PRKCD: variants seen among roughly 807,000 people sequenced by gnomAD.
PRKCD encodes protein kinase C delta type.
In PRKCD, 20 loss-of-function variants were observed where a neutral mutation model predicts 82.2. The ratio of observed to expected loss-of-function variants is 0.24; its 90% CI spans 0.17 to 0.35. The LOEUF (loss-of-function observed/expected upper bound fraction) is 0.35, where lower values mean the gene tolerates loss of function less well. PRKCD is among the 10% of genes least tolerant of loss of function. PRKCD has a pLI of 1.00. For missense variants in PRKCD, 607 were observed against 899.0 expected, an observed-to-expected ratio of 0.68 and a Z score of 4.15; for synonymous variants, 317 against 337.0, an observed-to-expected ratio of 0.94 and a Z score of 0.65.
chr3:53,169,412 G>A lies in PRKCD; in HGVS notation c.-20+4197G>A, dbSNP rs1222323204. Among the ~76,000 whole-genome samples, 4 of 152,172 alleles carry A rather than the reference G, an allele frequency of 2.6e-5. No individual in the cohort carries two copies. Among genetic ancestry groups the A allele is most frequent in the African/African-American group, 9.7e-5 (4 of 41,438 alleles). On this transcript the variant is annotated intron_variant, in intron 2 of 18. Coordinates refer to ENST00000330452, the MANE Select transcript of PRKCD (RefSeq NM_006254.4). This position sits in a 1 kb window ranked among gnomAD's most constrained non-coding sequence, Gnocchi z 4.7. Reference sequence around the variant, plus strand: ...GCCCACGAACAGGACTGGGATGGCTGTCCCTCAAAGGTCTCTGCCAAGGCA... The same window carrying A: ...GCCCACGAACAGGACTGGGATGGCTATCCCTCAAAGGTCTCTGCCAAGGCA...
rs1454390725 is a variant in PRKCD at position 53,183,112 on chromosome 3, C to G, written c.572-9C>G. 1.2e-6 allele frequency: 2 copies of G among 1,614,012 alleles called. No individual in the cohort carries two copies. The highest frequency in any genetic ancestry group is 1.7e-5 in the Admixed American group (1 of 60,012). ...TCCCTTCCCCCTCCTGGGCCTGTGC[C>G]TCTTCAAGAATGTAACGCTGCCATC... is the stretch of plus-strand genomic sequence containing the variant. On this transcript the variant is annotated splice_polypyrimidine_tract_variant and intron_variant, in intron 7 of 18. Coordinates refer to ENST00000330452, the MANE Select transcript of PRKCD (RefSeq NM_006254.4).
intron 4 of PRKCD, among the ~76,000 whole-genome samples, chr3:53,180,214 GGT>G (rs35715916): frequency 0.12 from 18,956 of 152,222 alleles, 1,718 homozygotes; most frequent in Non-Finnish European, 0.19. Context: ...TGCATGAAAG[GGT>G]GTGTCCCTGC....
chr3:53,172,027 G>A (rs1401984828), intron 2 of PRKCD, among the ~76,000 whole-genome samples: 1 of 152,010 alleles, frequency 6.6e-6, no homozygotes, highest in Non-Finnish European at 1.5e-5. Flanking sequence ...CCCAGGAGGA[G>A]CGCTGGCTGG....
intron 1 of PRKCD, among the ~76,000 whole-genome samples, chr3:53,161,752 C>T (rs1702667302): frequency 6.6e-6 from 1 of 151,872 alleles, no homozygotes; most frequent in Admixed American, 6.6e-5. Context: ...CTGTCGCCAC[C>T]CACTCTGTGT....
chr3:53,163,312 G>T (rs1306052866), intron 1 of PRKCD, among the ~76,000 whole-genome samples: 1 of 151,842 alleles, frequency 6.6e-6, no homozygotes, highest in Non-Finnish European at 1.5e-5. Context: ...GGTGTTAGCG[G>T]CAGGAGGGGG....
rs1553668849 is a variant in PRKCD, at chr3:53,185,700, G to A, written c.985G>A (p.Asp329Asn). 6.2e-7 allele frequency: 1 copy of A among 1,612,054 alleles called. No homozygotes were observed. The highest frequency in any genetic ancestry group is 8.5e-7 in the Non-Finnish European group (1 of 1,179,836). The part of the protein sequence containing the change: ...KTGVAGEDMQ[D>N]NSGTYGKIWE... Reference sequence around the variant, plus strand: ...CGGAGTTGCTGGGGAGGACATGCAAGGTGAAGCTGGGTCCATTGCCCCATT... The same window carrying A: ...CGGAGTTGCTGGGGAGGACATGCAAAGTGAAGCTGGGTCCATTGCCCCATT... Residue 329 changes from aspartate (D) to asparagine (N), a missense_variant and splice_region_variant, in exon 11 of 19, where the codon GAC (aspartate) becomes AAC (asparagine). By Grantham distance (23) the Asp-to-Asn change is conservative (BLOSUM62 1). Transcript: ENST00000330452.
At chr3:53,184,773 C>G (rs1365767859) in intron 9 of PRKCD, 101 bp from the exon 10 acceptor site, 9 of 928,824 alleles carry the variant, frequency 9.7e-6, no homozygotes, top group Non-Finnish European at 1.6e-5. Flanking sequence ...GCAGACCCCA[C>G]TGAAGCCCTC....
chr3:53,190,093 C>A, intron 18 of PRKCD, 92 bp downstream of exon 18: 1 of 1,542,366 alleles, frequency 6.5e-7, no homozygotes, highest in Admixed American at 1.7e-5. Flanking sequence ...TTCCACCTCT[C>A]CCTTCTTCCA....
At chr3:53,178,346 C>A in intron 2 of PRKCD, 58 bp from the exon 3 acceptor site, 2 of 1,195,790 alleles carry the variant, frequency 1.7e-6, no homozygotes, top group South Asian at 1.3e-5. Flanking sequence ...GAGTGCTGCC[C>A]GTGACTGTTC....
chr3:53,182,353 C>T (rs1703478196), intron 7 of PRKCD, among the ~76,000 whole-genome samples: 1 of 152,102 alleles, frequency 6.6e-6, no homozygotes, highest in Non-Finnish European at 1.5e-5. Flanking sequence ...ACTGTAACCT[C>T]CCTCTCCAAG....
chr3:53,178,094 C>A (rs1703278929), intron 2 of PRKCD, among the ~76,000 whole-genome samples: 1 of 151,988 alleles, frequency 6.6e-6, no homozygotes, highest in African/African-American at 2.4e-5. Flanking sequence ...TACAGGCATG[C>A]ACCACCACAC....
In PRKCD at chr3:53,192,375, C is replaced by A. The variant is rs1053660397; in HGVS notation, c.*109C>A. ...CTTCTGCTGCTGGCCCCGCCCCTGC[C>A]CCCAGAGCGTCCTTGGCTGCCGTCT... On this transcript the variant is annotated 3_prime_UTR_variant, in exon 19 of 19. Coordinates refer to ENST00000330452, the MANE Select transcript of PRKCD (RefSeq NM_006254.4). 1.5e-6 allele frequency: 2 copies of A among 1,364,592 alleles called. No individual in the cohort carries two copies. Among genetic ancestry groups the A allele is most frequent in the African/African-American group, 2.9e-5 (2 of 69,488 alleles). 84.5% of individuals were successfully genotyped at this position (1,364,592 alleles called of 1,614,324 possible).
rs1451220721 is a variant in PRKCD at position 53,169,504 on chromosome 3, T to C, written c.-20+4289T>C. Among the ~76,000 whole-genome samples, 1 of 152,122 alleles carries C rather than the reference T, an allele frequency of 6.6e-6. No homozygotes were observed. Among genetic ancestry groups the C allele is most frequent in the East Asian group, 1.9e-4 (1 of 5,178 alleles). On this transcript the variant is annotated intron_variant, in intron 2 of 18. Transcript: ENST00000330452. This position sits in a 1 kb window ranked among gnomAD's most constrained non-coding sequence, Gnocchi z 4.7. The stretch of plus-strand genomic sequence containing the variant: ...CAACAGCTCCGGAAGCTTTGGATCA[T>C]GTCTATGGCCGTGTTGGGTAAACAG...
At chr3:53,187,558 G>A (rs1335436653) in intron 15 of PRKCD, among the ~76,000 whole-genome samples, 156 bp downstream of exon 15, 1 of 152,186 alleles carries the variant, frequency 6.6e-6, no homozygotes, top group African/African-American at 2.4e-5. Flanking sequence ...CCACCCTGGT[G>A]TTAGCATTCC....
intron 4 of PRKCD, among the ~76,000 whole-genome samples, chr3:53,180,807 G>A (rs1278661584): frequency 2.0e-5 from 3 of 152,156 alleles, no homozygotes; most frequent in Non-Finnish European, 4.4e-5. Context: ...GAGGAGCAGC[G>A]TGTGTGCACG....
intron 2 of PRKCD, among the ~76,000 whole-genome samples, chr3:53,177,225 A>G (rs1428829807): frequency 1.3e-5 from 2 of 152,150 alleles, no homozygotes; most frequent in East Asian, 1.9e-4. Flanking sequence ...CTTGGCCTCA[A>G]GCGATCCTCT....
At chr3:53,166,225 G>A (rs1702827463) in intron 2 of PRKCD, among the ~76,000 whole-genome samples, 1 of 152,198 alleles carries the variant, frequency 6.6e-6, no homozygotes, top group Admixed American at 6.5e-5. Flanking sequence ...GGACAGAACA[G>A]GAGCAGTCTT....
chr3:53,167,212 G>A (rs1428096071), intron 2 of PRKCD, among the ~76,000 whole-genome samples: 2 of 152,168 alleles, frequency 1.3e-5, no homozygotes, highest in Non-Finnish European at 2.9e-5. Context: ...GTGGCTCTAC[G>A]CCTTGCTCCG....
chr3:53,187,356 A>G lies in PRKCD; in HGVS notation c.1369A>G (p.Ile457Val). The change falls in exon 15 of 19, where the codon ATA becomes GTA. Residue 457 changes from isoleucine (I) to valine (V), a missense_variant. Transcript: ENST00000330452. ...CTTGCCCAGGTTTTATGCCGCTGAG[A>G]TAATGTGTGGACTGCAGTTTCTACA... ...LYRATFYAAE[I>V]MCGLQFLHSK... 6.2e-7 allele frequency: 1 copy of G among 1,614,130 alleles called. No homozygotes were observed. Among genetic ancestry groups the G allele is most frequent in the Non-Finnish European group, 8.5e-7 (1 of 1,180,016 alleles).
Sources: gnomAD v4.1 joint callset for allele counts (sites outside exome capture counted in the v4.1 genomes callset) on GRCh38, gnomAD v4.1.1 for gene constraint, Gnocchi (gnomAD v3.1) non-coding constraint, MANE v1.5 for transcripts, NCBI Gene and HGNC (gene_info 2026-07-23, HGNC 2026-07-21) for gene names.